The following KCTD8 variants were observed in gnomAD, a reference collection of about 807,000 sequenced individuals.
KCTD8 encodes the protein BTB/POZ domain-containing protein KCTD8.
In KCTD8, 27 loss-of-function variants were observed where a neutral mutation model predicts 31.5. That is an observed-to-expected ratio of 0.86 (90% CI 0.63 to 1.18). KCTD8 has a LOEUF of 1.18. Ranked by LOEUF, KCTD8 falls within the 50% of genes most tolerant of loss-of-function variation. The pLI is 0.00. For missense variants in KCTD8, 658 were observed against 647.7 expected (o/e 1.02, Z -0.17); for synonymous variants, 290 against 280.0 (o/e 1.04, Z -0.36).
intron 1 of KCTD8, among the ~76,000 whole-genome samples, chr4:44,427,517 T>C (rs901722952): frequency 2.2e-5 from 1 of 44,734 alleles, no homozygotes. Flanking sequence ...CAAAAGACTG[T>C]GATGAAAGAT....
intron 1 of KCTD8, among the ~76,000 whole-genome samples, chr4:44,295,054 A>C (rs1467500512): frequency 6.6e-6 from 1 of 152,134 alleles, no homozygotes; most frequent in Non-Finnish European, 1.5e-5. Flanking sequence ...GCACTTTGGG[A>C]GCCTGAGGCA....
chr4:44,329,255 A>G (rs1203080469), intron 1 of KCTD8, among the ~76,000 whole-genome samples: 1 of 151,576 alleles, frequency 6.6e-6, no homozygotes, highest in African/African-American at 2.4e-5. Context: ...TCAAGAAATG[A>G]CCAATCTAAT....
chr4:44,406,896 G>A (rs1290210753), intron 1 of KCTD8, among the ~76,000 whole-genome samples: 1 of 152,110 alleles, frequency 6.6e-6, no homozygotes, highest in African/African-American at 2.4e-5. Flanking sequence ...CTTCAAATCG[G>A]ATATGTACAT....
intron 1 of KCTD8, among the ~76,000 whole-genome samples, chr4:44,277,718 C>T (rs1189723237): frequency 4.6e-5 from 7 of 151,882 alleles, no homozygotes; most frequent in South Asian, 4.2e-4. Context: ...AAACATTTTA[C>T]GTGCATCATT....
At chr4:44,407,676 G>A (rs890660792) in intron 1 of KCTD8, among the ~76,000 whole-genome samples, 10 of 151,980 alleles carry the variant, frequency 6.6e-5, no homozygotes, top group African/African-American at 2.2e-4. Context: ...GTGAGCCACC[G>A]CACCCAGCAG....
chr4:44,288,400 A>G (rs995685008), intron 1 of KCTD8, among the ~76,000 whole-genome samples: 9 of 152,154 alleles, frequency 5.9e-5, no homozygotes, highest in African/African-American at 2.2e-4. Flanking sequence ...GCTAACCAAG[A>G]GATTAATTAG....
intron 1 of KCTD8, among the ~76,000 whole-genome samples, chr4:44,303,668 T>C (rs1717708482): frequency 6.6e-6 from 1 of 151,804 alleles, no homozygotes; most frequent in Admixed American, 6.6e-5. Flanking sequence ...ATACAAAAAT[T>C]AGCTGGGTGT....
At chr4:44,397,154 G>A (rs1720525776) in intron 1 of KCTD8, among the ~76,000 whole-genome samples, 1 of 152,112 alleles carries the variant, frequency 6.6e-6, no homozygotes, top group South Asian at 2.1e-4. Flanking sequence ...GTGATTGATT[G>A]TACCTAACAT....
At chr4:44,320,058 G>A (rs907977905) in intron 1 of KCTD8, among the ~76,000 whole-genome samples, 1 of 150,250 alleles carries the variant, frequency 6.7e-6, no homozygotes, top group African/African-American at 2.4e-5. Flanking sequence ...TGTAATTCCA[G>A]GTACTTGGGA....
intron 1 of KCTD8, among the ~76,000 whole-genome samples, chr4:44,303,016 T>G (rs1298772358): frequency 6.6e-6 from 1 of 152,180 alleles, no homozygotes; most frequent in African/African-American, 2.4e-5. Flanking sequence ...TATGCTGGAT[T>G]ACATTTATTT....
intron 1 of KCTD8, among the ~76,000 whole-genome samples, chr4:44,200,603 A>G (rs1265407481): frequency 2.6e-5 from 4 of 152,224 alleles, no homozygotes; most frequent in Middle Eastern, 3.4e-3. Context: ...GTAAAATCCA[A>G]CATCCCTTCA....
At chr4:44,259,055 A>G (rs890151216) in intron 1 of KCTD8, among the ~76,000 whole-genome samples, 4 of 151,978 alleles carry the variant, frequency 2.6e-5, no homozygotes, top group Non-Finnish European at 4.4e-5. Context: ...TCCACAATTA[A>G]TTAACTGGGT....
At chr4:44,209,463 T>C (rs1175634407) in intron 1 of KCTD8, among the ~76,000 whole-genome samples, 1 of 151,916 alleles carries the variant, frequency 6.6e-6, no homozygotes, top group Non-Finnish European at 1.5e-5. Context: ...TCTCTCACCA[T>C]GTATAGAGAT....
chr4:44,405,557 C>A (rs189841128), intron 1 of KCTD8, among the ~76,000 whole-genome samples: 2 of 152,012 alleles, frequency 1.3e-5, no homozygotes, highest in Admixed American at 6.5e-5. Context: ...CGTGAGCCAC[C>A]GCACCCGGCC....
chr4:44,225,354 G>C (rs1374968603), intron 1 of KCTD8, among the ~76,000 whole-genome samples: 1 of 152,180 alleles, frequency 6.6e-6, no homozygotes, highest in Non-Finnish European at 1.5e-5. Context: ...GCAAACTTAA[G>C]CCCATAGGCT....
rs998715740 is a variant in KCTD8, at chr4:44,332,324, T to C, written c.961+115239A>G. 3.6e-4 allele frequency among the ~76,000 whole-genome samples: 54 copies of C among 152,086 alleles called. No homozygotes were observed. In the Middle Eastern group the frequency reaches 0.014, roughly 38 times the overall value. On this transcript the variant is annotated intron_variant, in intron 1 of 1. Transcript: ENST00000360029. ...TGGATCTGCTCTGTTGGAATTAAGATGGAGAAACATGGTCCAGGACCTTCA... is the reference window on the plus strand; with the variant it reads ...TGGATCTGCTCTGTTGGAATTAAGACGGAGAAACATGGTCCAGGACCTTCA...
At chr4:44,433,939 A>G (rs997071233) in intron 1 of KCTD8, among the ~76,000 whole-genome samples, 3 of 151,832 alleles carry the variant, frequency 2.0e-5, no homozygotes, top group African/African-American at 7.2e-5. Context: ...AGTTTCCCCA[A>G]TTCTATGTGC....
chr4:44,217,712 G>C (rs1714687663), intron 1 of KCTD8, among the ~76,000 whole-genome samples: 1 of 152,164 alleles, frequency 6.6e-6, no homozygotes, highest in Non-Finnish European at 1.5e-5. Flanking sequence ...GAGTCTTCTG[G>C]CTTTCCTCTT....
chr4:44,414,407 A>G (rs946770260), intron 1 of KCTD8, among the ~76,000 whole-genome samples: 26 of 152,266 alleles, frequency 1.7e-4, no homozygotes, highest in Non-Finnish European at 2.8e-4. Context: ...CCAATGACCA[A>G]TTGATTTCCA....
Sources: gnomAD v4.1 joint callset for allele counts (sites outside exome capture counted in the v4.1 genomes callset) on GRCh38, gnomAD v4.1.1 for gene constraint, MANE v1.5 for transcripts, NCBI Gene and HGNC (gene_info 2026-07-23, HGNC 2026-07-21) for gene names.